The following TMEM245 variants were observed in gnomAD, a reference collection of about 807,000 sequenced individuals.
TMEM245 encodes transmembrane protein 245.
In TMEM245, 69 loss-of-function variants were observed where a neutral mutation model predicts 101.2. The observed-to-expected ratio is 0.68, with a 90% CI of 0.56 to 0.83. The LOEUF (loss-of-function observed/expected upper bound fraction) is 0.83, where lower values mean the gene tolerates loss of function less well. Ranked by LOEUF, TMEM245 falls within the 40% of genes least tolerant of loss-of-function variation. The pLI is 0.00. For synonymous variants in TMEM245, 537 were observed against 449.8 expected, an observed-to-expected ratio of 1.19 and a Z score of -2.45; for missense variants, 1,075 against 1,092.8, an observed-to-expected ratio of 0.98 and a Z score of 0.23.
At position 109,050,557 on chromosome 9, in the gene TMEM245, T is replaced by C; in HGVS notation, c.1977+13A>G. ...GAAGGAAATATGACGTGTACTTATC[T>C]ATGTGGACGTACCAGAGAGAGTACA... On this transcript the variant is annotated intron_variant, in intron 13 of 17. Transcript: ENST00000374586. 1.9e-6 allele frequency: 3 copies of C among 1,613,936 alleles called. No individual in the cohort carries two copies. Among genetic ancestry groups the C allele is most frequent in the South Asian group, 1.1e-5 (1 of 91,056 alleles).
At chr9:109,032,251 A>C (rs1588019668) in intron 17 of TMEM245, among the ~76,000 whole-genome samples, 1 of 151,998 alleles carries the variant, frequency 6.6e-6, no homozygotes, top group East Asian at 1.9e-4. Flanking sequence ...TATATTATTT[A>C]ACATATGGTC....
intron 15 of TMEM245, 114 bp from the exon 16 acceptor site, chr9:109,036,494 C>CCTG: frequency 1.0e-6 from 1 of 1,004,418 alleles, no homozygotes; most frequent in South Asian, 2.1e-5. Context: ...AAGTTAAATA[C>CCTG]TCACAAACTC....
rs112604346 is a variant in TMEM245, at chr9:109,028,547, G to A, written c.2594+4760C>T. Among the ~76,000 whole-genome samples, 202 of 151,996 alleles carry A rather than the reference G, an allele frequency of 1.3e-3. 1 individual carries two copies. Among genetic ancestry groups the A allele is most frequent in the African/African-American group, 3.5e-3 (144 of 41,446 alleles). ...AAATTTCTGATTCTGGAGAGTTTCC[G>A]ATTTGGGATTTGGGATGCTCAACAT... On this transcript the variant is annotated intron_variant, in intron 17 of 17. Transcript: ENST00000374586.
At position 109,093,587 on chromosome 9, in the gene TMEM245, T is replaced by C. The variant is rs998997837; in HGVS notation, c.804A>G (p.Ala268=). ...EKQNGKESSG[A]ELPGQVISMA... ...TGGAGATAACCTGCCCTGGTAACTC[T>C]GCCCCTGTAAAAGAAGCATCCATTT... is the stretch of plus-strand genomic sequence containing the variant. Residue 268 remains alanine (A), a synonymous_variant, in exon 4 of 18, where the codon GCA becomes GCG. Coordinates refer to ENST00000374586, the MANE Select transcript of TMEM245 (RefSeq NM_032012.4). 3 of 1,613,384 alleles carry C rather than the reference T, an allele frequency of 1.9e-6. No homozygotes were observed. The highest frequency in any genetic ancestry group is 2.5e-6 in the Non-Finnish European group (3 of 1,179,698).
rs1414829408 is a variant in TMEM245 at position 109,057,091 on chromosome 9, A to T, written c.1854+100T>A. 6 of 1,313,996 alleles carry T rather than the reference A, an allele frequency of 4.6e-6. No individual in the cohort carries two copies. The East Asian group carries it at 1.5e-4, about 32-fold the overall frequency. 81.4% of individuals were successfully genotyped at this position (1,313,996 alleles called of 1,614,324 possible). On this transcript the variant is annotated intron_variant, in intron 12 of 17. Transcript: ENST00000374586. ...CAAATATGTAAATGTCATGATGTTA[A>T]AAACAGGATAGATGAGGCCTCAAAG... is the stretch of plus-strand genomic sequence containing the variant.
chr9:109,078,331 C>T (rs1829575692), intron 8 of TMEM245, among the ~76,000 whole-genome samples: 1 of 152,160 alleles, frequency 6.6e-6, no homozygotes, highest in Admixed American at 6.5e-5. Context: ...ATATAACCCA[C>T]ATATTTTCCA....
At chr9:109,073,903 C>A (rs544264837) in intron 8 of TMEM245, among the ~76,000 whole-genome samples, 66 of 138,134 alleles carry the variant, frequency 4.8e-4, no homozygotes, top group African/African-American at 1.7e-3. Context: ...GTCACCCAGG[C>A]TTGCTGGTGT....
intron 14 of TMEM245, among the ~76,000 whole-genome samples, chr9:109,047,335 T>C (rs1483436714): frequency 6.6e-6 from 1 of 152,218 alleles, no homozygotes; most frequent in Non-Finnish European, 1.5e-5. Context: ...AAAAGACTGA[T>C]TTCCTCATAT....
rs1273789853 is a variant in TMEM245, at chr9:109,020,090, C to CT, written c.*369dup. 1.3e-5 allele frequency: 2 copies of CT among 157,412 alleles called. No individual in the cohort carries two copies. The highest frequency in any genetic ancestry group is 2.8e-5 in the Non-Finnish European group (2 of 71,628). 9.8% of individuals were successfully genotyped at this position (157,412 alleles called of 1,614,324 possible). On this transcript the variant is annotated 3_prime_UTR_variant, in exon 18 of 18. Transcript: ENST00000374586. ...CCAGGAAAAAATTACACCATCTATT[C>CT]TTTTAACAGCAGGTAGTTTAGAGTT...
chr9:109,065,370 C>G (rs1300081378), intron 9 of TMEM245, among the ~76,000 whole-genome samples: 1 of 119,070 alleles, frequency 8.4e-6, no homozygotes, highest in Non-Finnish European at 1.7e-5. Flanking sequence ...CAATCTGTAC[C>G]TTAACAAACC....
At chr9:109,105,486 T>C (rs946958320) in intron 3 of TMEM245, among the ~76,000 whole-genome samples, 1 of 152,226 alleles carries the variant, frequency 6.6e-6, no homozygotes, top group African/African-American at 2.4e-5. Flanking sequence ...TACGACCCAG[T>C]AATTCTACTC....
chr9:109,119,944 C>T lies in TMEM245; in HGVS notation c.-31G>A, dbSNP rs928873629. ...CTCCGCCACAGCCGCCCCCGAGGGG[C>T]GGTAATGGGAGTCGGGCTAGAAACG... On this transcript the variant is annotated 5_prime_UTR_variant, in exon 1 of 18. Transcript: ENST00000374586. 4 of 1,291,326 alleles carry T rather than the reference C, an allele frequency of 3.1e-6. No homozygotes were observed. Among genetic ancestry groups the T allele is most frequent in the African/African-American group, 3.0e-5 (2 of 65,756 alleles). The allele number at this position is 1,291,326 out of a possible 1,614,324, so 80.0% of individuals were successfully genotyped here.
At chr9:109,042,729 G>C (rs1454973821) in intron 14 of TMEM245, among the ~76,000 whole-genome samples, 1 of 151,400 alleles carries the variant, frequency 6.6e-6, no homozygotes, top group Admixed American at 6.6e-5. Flanking sequence ...TTTAGTATGC[G>C]CACAATTTGT....
intron 17 of TMEM245, among the ~76,000 whole-genome samples, chr9:109,022,467 TTATCTATC>T (rs35280235): frequency 0.1 from 15,446 of 149,520 alleles, 925 homozygotes; most frequent in Middle Eastern, 0.14. Flanking sequence ...TTTATATGCA[TTATCTATC>T]TATCTATCTA....
chr9:109,087,060 A>T, intron 6 of TMEM245, 113 bp downstream of exon 6: 1 of 872,256 alleles, frequency 1.1e-6, no homozygotes, highest in Non-Finnish European at 1.6e-6. Context: ...TCATAGAATT[A>T]GATATTACAT....
chr9:109,062,978 G>GA (rs113342652), intron 10 of TMEM245, among the ~76,000 whole-genome samples: 10,434 of 148,042 alleles, frequency 0.07, 423 homozygotes, highest in South Asian at 0.14. Flanking sequence ...TCCACAAAAA[G>GA]AAAAAAAAAA....
rs757660775 is a variant in TMEM245, at chr9:109,119,610, T to C, written c.304A>G (p.Thr102Ala). 9.0e-6 allele frequency: 14 copies of C among 1,557,434 alleles called. No homozygotes were observed. The highest frequency in any genetic ancestry group is 1.2e-5 in the South Asian group (1 of 84,716). Residue 102 changes from threonine (T) to alanine (A), a missense_variant, in exon 1 of 18, where the codon ACG becomes GCG. Coordinates refer to ENST00000374586, the MANE Select transcript of TMEM245 (RefSeq NM_032012.4). ...TGCAGCCAGTGGCGGCCCAGGCGCG[T>C]CAGCGAGCTCTTGAAGGGGTGCAGA... ...TFLHPFKSSL[T>A]RLGRHWLQRL...
chr9:109,057,785 TA>T (rs1828884164), intron 11 of TMEM245, among the ~76,000 whole-genome samples: 1 of 152,058 alleles, frequency 6.6e-6, no homozygotes, highest in African/African-American at 2.4e-5. Flanking sequence ...GAACTCCATT[TA>T]AAGACCTGAA....
chr9:109,054,339 TTTAA>T (rs1828774257), intron 12 of TMEM245, among the ~76,000 whole-genome samples: 2 of 152,008 alleles, frequency 1.3e-5, no homozygotes, highest in Admixed American at 1.3e-4. Flanking sequence ...TCTTAATTAG[TTTAA>T]TTGAGGACCT....
Sources: allele counts gnomAD v4.1 joint callset (sites outside exome capture counted in the v4.1 genomes callset), GRCh38; gene constraint gnomAD v4.1.1; transcripts MANE v1.5; gene names NCBI Gene and HGNC (gene_info 2026-07-23, HGNC 2026-07-21).